Variants in CSMD1 observed in about 807,000 individuals in gnomAD.
CSMD1 encodes CUB and Sushi multiple domains 1.
Under a neutral mutation model 417.5 loss-of-function variants are expected in CSMD1, and 213 were observed. The observed-to-expected ratio is 0.51, with a 90% CI of 0.46 to 0.57. The LOEUF (loss-of-function observed/expected upper bound fraction) is 0.57. Among genes scored for constraint, CSMD1 ranks in the 20% least tolerant of loss-of-function variants. The pLI is 0.00. For missense variants in CSMD1, 6,923 were observed against 4,529.7 expected (o/e 1.53, Z -15.17); for synonymous variants, 2,862 against 1,736.8 (o/e 1.65, Z -16.11).
At position 3,307,697 on chromosome 8, in the gene CSMD1, A is replaced by T; in HGVS notation, c.3948T>A (p.Ile1316=). The change falls in exon 25 of 70, where the codon ATT becomes ATA. Residue 1316 remains isoleucine (I), a splice_region_variant and synonymous_variant. Transcript: ENST00000635120. ...WIIEADPGKT[I]SLHFIVFDTE... ...TGAAACCAAAATAAAACAAGTACCT[A>T]ATGGTCTTTCCTGGGTCTGCCTCTA... 6.2e-7 allele frequency: 1 copy of T among 1,612,954 alleles called. No individual in the cohort carries two copies. The highest frequency in any genetic ancestry group is 8.5e-7 in the Non-Finnish European group (1 of 1,179,352).
intron 10 of CSMD1, among the ~76,000 whole-genome samples, chr8:3,560,588 A>T (rs2116857571): frequency 6.6e-6 from 1 of 152,282 alleles, no homozygotes; most frequent in South Asian, 2.1e-4. Flanking sequence ...GGAGAGGAAG[A>T]AGGAATGGAA....
chr8:4,106,762 G>C (rs1801589166), intron 3 of CSMD1, among the ~76,000 whole-genome samples: 1 of 152,190 alleles, frequency 6.6e-6, no homozygotes, highest in East Asian at 1.9e-4. Flanking sequence ...CGCACAGCTA[G>C]TGATCAGCGG....
At chr8:3,082,382 C>T (rs970396765) in intron 49 of CSMD1, among the ~76,000 whole-genome samples, 6 of 152,186 alleles carry the variant, frequency 3.9e-5, no homozygotes, top group African/African-American at 1.4e-4. Context: ...CCAGCTTCTC[C>T]AACCCATCGT....
At chr8:3,905,616 C>A (rs911130745) in intron 5 of CSMD1, among the ~76,000 whole-genome samples, 1 of 152,214 alleles carries the variant, frequency 6.6e-6, no homozygotes, top group Non-Finnish European at 1.5e-5. Context: ...TTCAGTGTGA[C>A]TGAAAATTTA....
chr8:4,631,362 A>T (rs7816030), intron 2 of CSMD1, among the ~76,000 whole-genome samples: 1 of 151,274 alleles, frequency 6.6e-6, no homozygotes, highest in African/African-American at 2.4e-5. Context: ...ATTCAGTCTC[A>T]AGACAATAAA....
intron 3 of CSMD1, among the ~76,000 whole-genome samples, chr8:4,070,170 T>A (rs2130775458): frequency 6.6e-6 from 1 of 152,302 alleles, no homozygotes; most frequent in South Asian, 2.1e-4. Context: ...AGAATGCAAT[T>A]TTAGAGGTGC....
At chr8:3,045,129 C>T (rs1030903830) in intron 50 of CSMD1, among the ~76,000 whole-genome samples, 8 of 152,156 alleles carry the variant, frequency 5.3e-5, no homozygotes, top group Non-Finnish European at 1.0e-4. Flanking sequence ...GGAGGAAATG[C>T]TTACTTGAAA....
chr8:4,185,448 A>G (rs1798610808), intron 3 of CSMD1, among the ~76,000 whole-genome samples: 1 of 152,180 alleles, frequency 6.6e-6, no homozygotes, highest in Non-Finnish European at 1.5e-5. Flanking sequence ...TAATGATTTT[A>G]AAAACAGCAT....
intron 3 of CSMD1, among the ~76,000 whole-genome samples, chr8:4,236,834 G>A (rs544728107): frequency 6.6e-6 from 1 of 152,198 alleles, no homozygotes; most frequent in Admixed American, 6.5e-5. Context: ...TCCAAATATA[G>A]AAGTCACTGA....
At chr8:3,063,437 G>A (rs1029669830) in intron 49 of CSMD1, among the ~76,000 whole-genome samples, 4 of 152,184 alleles carry the variant, frequency 2.6e-5, no homozygotes, top group African/African-American at 7.2e-5. Flanking sequence ...GATGACCTAT[G>A]GTGGTTCCTC....
chr8:3,691,564 C>T (rs533569641), intron 7 of CSMD1, among the ~76,000 whole-genome samples: 5 of 152,254 alleles, frequency 3.3e-5, no homozygotes, highest in African/African-American at 7.2e-5. Context: ...ATTGTATTTA[C>T]ACATAACTTT....
chr8:4,328,621 A>T (rs551836518), intron 3 of CSMD1, among the ~76,000 whole-genome samples: 1 of 151,394 alleles, frequency 6.6e-6, no homozygotes, highest in African/African-American at 2.4e-5. Context: ...TGAAATATTT[A>T]CCATGCTTAC....
At position 3,582,416 on chromosome 8, in the gene CSMD1, C is replaced by G. The variant is rs1224107008; in HGVS notation, c.1222+3720G>C. Among the ~76,000 whole-genome samples the G allele has an allele frequency of 2.0e-5, 3 of 152,132 alleles. No individual in the cohort carries two copies. In the East Asian group the frequency reaches 5.8e-4, roughly 29 times the overall value. ...TCCTAAAAGTTGCCAACCTGAGGAA[C>G]TTACGTATTTTAATTGAAGAAAGAG... On this transcript the variant is annotated intron_variant, in intron 9 of 69. Transcript: ENST00000635120.
chr8:3,651,245 C>A (rs1041405702), intron 7 of CSMD1, among the ~76,000 whole-genome samples: 3 of 152,170 alleles, frequency 2.0e-5, no homozygotes, highest in Admixed American at 1.3e-4. Flanking sequence ...TCGTATCACC[C>A]CTTTGGTTGA....
intron 1 of CSMD1, among the ~76,000 whole-genome samples, chr8:4,825,409 G>C (rs1426399540): frequency 6.6e-6 from 1 of 152,064 alleles, no homozygotes; most frequent in African/African-American, 2.4e-5. Flanking sequence ...TGCAGTGATG[G>C]TGACTCTAGG....
At chr8:3,986,656 A>T (rs1019248924) in intron 5 of CSMD1, among the ~76,000 whole-genome samples, 5 of 152,122 alleles carry the variant, frequency 3.3e-5, no homozygotes, top group African/African-American at 1.2e-4. Context: ...TCCTTATACC[A>T]TGAGATATGA....
intron 26 of CSMD1, among the ~76,000 whole-genome samples, chr8:3,263,980 C>T (rs1346587303): frequency 1.3e-5 from 2 of 152,116 alleles, no homozygotes; most frequent in Admixed American, 6.5e-5. Flanking sequence ...TTTTTGCATC[C>T]TCATGAAACT....
At chr8:3,191,445 G>C (rs1585609638) in intron 33 of CSMD1, among the ~76,000 whole-genome samples, 1 of 152,008 alleles carries the variant, frequency 6.6e-6, no homozygotes, top group African/African-American at 2.4e-5. Context: ...GAAAGATTGA[G>C]AAAAAAATAA....
chr8:3,412,123 C>T lies in CSMD1; in HGVS notation c.1562-2518G>A, dbSNP rs571196559. On this transcript the variant is annotated intron_variant, in intron 12 of 69. Transcript: ENST00000635120. ...ATATACATATATACATATATACACA[C>T]GTATATATACATATATACATATATA... Among the ~76,000 whole-genome samples the T allele has an allele frequency of 2.3e-4, 29 of 123,974 alleles. 1 individual carries two copies. Among genetic ancestry groups the T allele is most frequent in the African/African-American group, 7.3e-4 (21 of 28,574 alleles). 81.3% of individuals were successfully genotyped at this position (123,974 alleles called of 152,430 possible).
Sources: gnomAD v4.1 joint callset for allele counts (sites outside exome capture counted in the v4.1 genomes callset) on GRCh38, gnomAD v4.1.1 for gene constraint, MANE v1.5 for transcripts, NCBI Gene and HGNC (gene_info 2026-07-23, HGNC 2026-07-21) for gene names.